The following TYRP1 variants were observed in gnomAD, a reference collection of about 807,000 sequenced individuals.
TYRP1 encodes the protein 5,6-dihydroxyindole-2-carboxylic acid oxidase.
TYRP1 carries 49 observed loss-of-function variants against 42.8 expected under a neutral mutation model. The ratio of observed to expected loss-of-function variants is 1.14; its 90% CI spans 0.91 to 1.45. TYRP1 has a LOEUF of 1.45. Ranked by LOEUF, TYRP1 falls within the 40% of genes most tolerant of loss-of-function variation. The pLI, the probability that TYRP1 is intolerant of heterozygous loss-of-function variation, is 0.00. For synonymous variants in TYRP1, 279 were observed against 235.4 expected, an observed-to-expected ratio of 1.19 and a Z score of -1.69; for missense variants, 848 against 662.0, an observed-to-expected ratio of 1.28 and a Z score of -3.08.
At chr9:12,701,823 T>G (rs187466255) in intron 4 of TYRP1, 20 of 55,726 alleles carry the variant, frequency 3.6e-4, no homozygotes, top group East Asian at 3.0e-3. Context: ...AATGTAAGGG[T>G]TTTTTTTTCC....
At chr9:12,699,732 C>T (rs2118238112) in intron 4 of TYRP1, among the ~76,000 whole-genome samples, 1 of 152,120 alleles carries the variant, frequency 6.6e-6, no homozygotes, top group East Asian at 1.9e-4. Flanking sequence ...CACCTTGTGG[C>T]AGAGAACTGA....
chr9:12,695,158 A>T (rs552459063), intron 2 of TYRP1, among the ~76,000 whole-genome samples: 3 of 152,330 alleles, frequency 2.0e-5, no homozygotes, highest in South Asian at 4.1e-4. Context: ...ACTATGTTAT[A>T]TCACCTAATT....
At chr9:12,705,164 C>A (rs543262682) in intron 6 of TYRP1, among the ~76,000 whole-genome samples, 1 of 152,158 alleles carries the variant, frequency 6.6e-6, no homozygotes, top group South Asian at 2.1e-4. Flanking sequence ...TTGTGTTCCA[C>A]TTGAAAAGTT....
In TYRP1 at chr9:12,702,274, C is replaced by T. The variant is rs773285733; in HGVS notation, c.917C>T (p.Thr306Ile). 2.5e-6 allele frequency: 4 copies of T among 1,612,890 alleles called. No individual in the cohort carries two copies. The South Asian group carries it at 4.4e-5, about 18-fold the overall frequency. The change falls in exon 5 of 8, where the codon ACC (threonine) becomes ATC (isoleucine). Residue 306 changes from threonine (T) to isoleucine (I), a missense_variant. Coordinates refer to ENST00000388918, the MANE Select transcript of TYRP1 (RefSeq NM_000550.3). ...YDTLGTLCNS[T>I]EDGPIRRNPA... is the part of the protein sequence containing the mutation. ...CACATCCCATTTTTTTCTGCAGGCACCGAGGATGGGCCAATTAGGAGAAAT... is the reference window on the plus strand; with the variant it reads ...CACATCCCATTTTTTTCTGCAGGCATCGAGGATGGGCCAATTAGGAGAAAT...
chr9:12,694,406 A>T lies in TYRP1; in HGVS notation c.385+25A>T. On this transcript the variant is annotated intron_variant, in intron 2 of 7. Transcript: ENST00000388918. ...GGTAAGTGGAGATATGAATGAGTTC[A>T]TAAGTCCTGCATGAGACTCAAGGCT... 4.3e-6 allele frequency: 7 copies of T among 1,613,058 alleles called. No homozygotes were observed. In the South Asian group the frequency reaches 7.7e-5, roughly 18 times the overall value.
At chr9:12,694,569 C>T (rs1818047096) in intron 2 of TYRP1, 188 bp downstream of exon 2, 4 of 679,482 alleles carry the variant, frequency 5.9e-6, no homozygotes, top group Non-Finnish European at 9.8e-6. Flanking sequence ...GGAGTTGAAG[C>T]TCAGAACTTC....
At chr9:12,695,367 A>T in intron 2 of TYRP1, 148 bp from the exon 3 acceptor site, 1 of 720,038 alleles carries the variant, frequency 1.4e-6, no homozygotes, top group Non-Finnish European at 2.3e-6. Context: ...GGTTTTAGTT[A>T]AGGATATTTT....
chr9:12,695,415 T>C, intron 2 of TYRP1, 100 bp from the exon 3 acceptor site: 1 of 1,067,990 alleles, frequency 9.4e-7, no homozygotes, highest in Middle Eastern at 2.3e-4. Flanking sequence ...TTTGAACAGA[T>C]GGATAAATGG....
chr9:12,700,695 A>G (rs376854197), intron 4 of TYRP1: 10 of 152,184 alleles, frequency 6.6e-5, no homozygotes, highest in African/African-American at 1.7e-4. Context: ...ATTTTCTACA[A>G]TGGAACTCTG....
In TYRP1 at chr9:12,704,702, G is replaced by A. The variant is rs774834004; in HGVS notation, c.1258G>A (p.Ala420Thr). 1.9e-5 allele frequency: 30 copies of A among 1,612,702 alleles called. No individual in the cohort carries two copies. Among genetic ancestry groups the A allele is most frequent in the Non-Finnish European group, 1.4e-5 (17 of 1,179,204 alleles). Residue 420 changes from alanine (A) to threonine (T), a missense_variant, in exon 6 of 8, where the codon GCT (alanine) becomes ACT (threonine). Coordinates refer to ENST00000388918, the MANE Select transcript of TYRP1 (RefSeq NM_000550.3). ...TGATGAATGGCTGAGGAGATACAATGCTGGTAAGACATTTTCATATGCCTT... is the reference window on the plus strand; with the variant it reads ...TGATGAATGGCTGAGGAGATACAATACTGGTAAGACATTTTCATATGCCTT... ...VFDEWLRRYN[A>T]DISTFPLENA...
intron 6 of TYRP1, among the ~76,000 whole-genome samples, chr9:12,705,397 G>A (rs1818241908): frequency 1.3e-5 from 2 of 151,854 alleles, no homozygotes; most frequent in Admixed American, 1.3e-4. Flanking sequence ...AGCTCATAAC[G>A]CACATAAACC....
intron 5 of TYRP1, among the ~76,000 whole-genome samples, chr9:12,703,792 G>A: frequency 6.6e-6 from 1 of 151,416 alleles, no homozygotes; most frequent in East Asian, 1.9e-4. Context: ...AACCCAATTA[G>A]ACAGCCTACA....
chr9:12,705,902 A>G (rs1173612492), intron 6 of TYRP1, among the ~76,000 whole-genome samples: 1 of 152,184 alleles, frequency 6.6e-6, no homozygotes, highest in South Asian at 2.1e-4. Context: ...GTGTATTTAT[A>G]TACATAATGA....
At chr9:12,705,656 G>T (rs1818246074) in intron 6 of TYRP1, among the ~76,000 whole-genome samples, 1 of 151,976 alleles carries the variant, frequency 6.6e-6, no homozygotes. Context: ...AGACCAGCCT[G>T]GTCAACATGG....
intron 3 of TYRP1, 93 bp from the exon 4 acceptor site, chr9:12,698,358 G>T: frequency 8.1e-7 from 1 of 1,232,044 alleles, no homozygotes. Context: ...TCTGAAGAGA[G>T]CTAATAGAAA....
In TYRP1 at chr9:12,707,206, G is replaced by A. The variant is rs10960756; in HGVS notation, c.1262-791G>A. Among the ~76,000 whole-genome samples, 7,011 of 151,996 alleles carry A rather than the reference G, an allele frequency of 0.046. 955 individuals carry two copies. The East Asian group carries it at 0.5, about 11-fold the overall frequency. The stretch of plus-strand genomic sequence containing the variant: ...TATTTTCAGAAGAAGCAGTTTATAC[G>A]TTTCCAAGAGTGATCACTACTTTAC... On this transcript the variant is annotated intron_variant, in intron 6 of 7. Transcript: ENST00000388918.
Position 12,702,390 on chromosome 9 carries a change from C to A in TYRP1, c.1033C>A (p.Pro345Thr), listed in dbSNP as rs754238345. Residue 345 changes from proline to threonine, a missense_variant, in exon 5 of 8, where the codon CCT becomes ACT. Coordinates refer to ENST00000388918, the MANE Select transcript of TYRP1 (RefSeq NM_000550.3). ...CTTGGAAGTTGGTTTATTTGACACG[C>A]CTCCTTTTTATTCCAACTCTACAAA... ...QCLEVGLFDT[P>T]PFYSNSTNSF... The A allele has an allele frequency of 6.8e-6, 11 of 1,612,966 alleles. No individual in the cohort carries two copies. In the South Asian group the frequency reaches 8.8e-5, roughly 13 times the overall value.
intron 5 of TYRP1, among the ~76,000 whole-genome samples, chr9:12,704,110 G>A (rs1818220009): frequency 6.6e-6 from 1 of 151,990 alleles, no homozygotes; most frequent in Non-Finnish European, 1.5e-5. Flanking sequence ...GTAGGAGGCT[G>A]AAGTAACATC....
In TYRP1 at chr9:12,708,080, A is replaced by G. The variant is rs1205119026; in HGVS notation, c.1345A>G (p.Asn449Asp). ...NMVPFWPPVT[N>D]TEMFVTAPDN... ...GGTGCCATTCTGGCCCCCAGTCACC[A>G]ACACAGAAATGTTTGTTACTGCTCC... The change falls in exon 7 of 8, where the codon AAC (asparagine) becomes GAC (aspartate). Residue 449 changes from asparagine (N) to aspartate (D), a missense_variant. Coordinates refer to ENST00000388918, the MANE Select transcript of TYRP1 (RefSeq NM_000550.3). 2.5e-6 allele frequency: 4 copies of G among 1,612,796 alleles called. No homozygotes were observed. The highest frequency in any genetic ancestry group is 8.5e-7 in the Non-Finnish European group (1 of 1,179,360).
Sources: gnomAD v4.1 joint callset for allele counts (sites outside exome capture counted in the v4.1 genomes callset) on GRCh38, gnomAD v4.1.1 for gene constraint, MANE v1.5 for transcripts, NCBI Gene and HGNC (gene_info 2026-07-23, HGNC 2026-07-21) for gene names.